The following PRKG1 variants were observed in gnomAD, a reference collection of about 807,000 sequenced individuals.
The protein encoded by PRKG1 is cGMP-dependent protein kinase 1.
PRKG1 carries 35 observed loss-of-function variants against 88.1 expected under a neutral mutation model. That is an observed-to-expected ratio of 0.40 (90% CI 0.30 to 0.53). PRKG1 has a LOEUF of 0.53. PRKG1 is among the 20% of genes least tolerant of loss of function. The pLI, the probability that PRKG1 is intolerant of heterozygous loss-of-function variation, is 0.59. For missense variants in PRKG1, 540 were observed against 839.8 expected, an observed-to-expected ratio of 0.64 and a Z score of 4.41; for synonymous variants, 303 against 292.5, an observed-to-expected ratio of 1.04 and a Z score of -0.37.
intron 3 of PRKG1, among the ~76,000 whole-genome samples, chr10:51,729,157 C>T (rs1842210280): frequency 6.6e-6 from 1 of 152,188 alleles, no homozygotes; most frequent in Non-Finnish European, 1.5e-5. Flanking sequence ...AGGATTCCAG[C>T]TAGGCAGTTG....
intron 5 of PRKG1, among the ~76,000 whole-genome samples, chr10:51,977,916 C>G (rs1422044736): frequency 6.6e-6 from 1 of 151,768 alleles, no homozygotes; most frequent in African/African-American, 2.4e-5. Context: ...CCCATTCTGT[C>G]GGTTGTCTGT....
At chr10:51,606,755 A>G (rs1286181997) in intron 3 of PRKG1, among the ~76,000 whole-genome samples, 2 of 152,140 alleles carry the variant, frequency 1.3e-5, no homozygotes, top group African/African-American at 4.8e-5. Context: ...TAAATGAGTG[A>G]ATCTAAGTAG....
At chr10:51,870,618 T>G (rs1205809463) in intron 4 of PRKG1, among the ~76,000 whole-genome samples, 2 of 152,110 alleles carry the variant, frequency 1.3e-5, no homozygotes, top group African/African-American at 2.4e-5. Context: ...TGATTTTCAT[T>G]CTGTCAGTTT....
At chr10:51,819,047 T>G (rs1248815624) in intron 4 of PRKG1, among the ~76,000 whole-genome samples, 1 of 72,970 alleles carries the variant, frequency 1.4e-5, no homozygotes, top group Non-Finnish European at 3.3e-5. Flanking sequence ...AAAAAAAGAA[T>G]ACCAGAGGCT....
chr10:51,529,071 T>C (rs1385513163), intron 3 of PRKG1, among the ~76,000 whole-genome samples: 1 of 152,172 alleles, frequency 6.6e-6, no homozygotes, highest in African/African-American at 2.4e-5. Flanking sequence ...AGAAGATTTT[T>C]AGTTTGTCCA....
chr10:51,230,398 A>C (rs1838812178), intron 2 of PRKG1, among the ~76,000 whole-genome samples: 1 of 152,210 alleles, frequency 6.6e-6, no homozygotes, highest in South Asian at 2.1e-4. Context: ...TACTTTTCAC[A>C]TTATACTTTT....
At chr10:51,527,576 C>G (rs1016731064) in intron 3 of PRKG1, among the ~76,000 whole-genome samples, 4 of 151,958 alleles carry the variant, frequency 2.6e-5, no homozygotes, top group Admixed American at 2.0e-4. Context: ...TGTTAAAATG[C>G]GTAGAGTAAA....
chr10:52,036,073 G>T (rs1845601842), intron 5 of PRKG1, among the ~76,000 whole-genome samples: 1 of 152,160 alleles, frequency 6.6e-6, no homozygotes, highest in African/African-American at 2.4e-5. Context: ...TGCTGAGATA[G>T]GTAACAGATG....
At chr10:51,524,858 G>C (rs1170992779) in intron 3 of PRKG1, among the ~76,000 whole-genome samples, 1 of 152,166 alleles carries the variant, frequency 6.6e-6, no homozygotes, top group East Asian at 1.9e-4. Flanking sequence ...TCACACAAAA[G>C]CTGCTCGTTA....
At chr10:51,444,104 GA>G (rs958702031) in intron 2 of PRKG1, among the ~76,000 whole-genome samples, 2 of 149,422 alleles carry the variant, frequency 1.3e-5, no homozygotes, top group African/African-American at 2.5e-5. Context: ...GAGAGTACAG[GA>G]AAAAAAATAT....
chr10:51,032,636 C>T (rs1843298483), intron 1 of PRKG1, among the ~76,000 whole-genome samples: 2 of 151,978 alleles, frequency 1.3e-5, no homozygotes, highest in Non-Finnish European at 2.9e-5. Flanking sequence ...GCTCATGCTT[C>T]TAATCCCAAC....
At chr10:52,124,261 C>T (rs1847882953) in intron 7 of PRKG1, among the ~76,000 whole-genome samples, 1 of 152,156 alleles carries the variant, frequency 6.6e-6, no homozygotes, top group Admixed American at 6.6e-5. Flanking sequence ...AGAGTCTACT[C>T]ACACAAACCT....
At chr10:51,914,212 G>A (rs79457735) in intron 5 of PRKG1, among the ~76,000 whole-genome samples, 2,451 of 144,996 alleles carry the variant, frequency 0.017, 72 homozygotes, top group African/African-American at 0.06. Flanking sequence ...AGAAATGTCA[G>A]TGAGAAAATA....
chr10:51,714,863 G>A (rs892049719), intron 3 of PRKG1, among the ~76,000 whole-genome samples: 1 of 152,200 alleles, frequency 6.6e-6, no homozygotes, highest in African/African-American at 2.4e-5. Flanking sequence ...TCATAAAAAT[G>A]TATCCTTTAT....
At chr10:51,837,615 A>G (rs1353292011) in intron 4 of PRKG1, among the ~76,000 whole-genome samples, 3 of 152,066 alleles carry the variant, frequency 2.0e-5, no homozygotes, top group African/African-American at 4.8e-5. Context: ...TACTCTGGAA[A>G]TCCTTCGTGG....
chr10:51,570,067 A>ATATATATATATGTG (rs1491310201), intron 3 of PRKG1, among the ~76,000 whole-genome samples: 2 of 113,076 alleles, frequency 1.8e-5, no homozygotes, highest in African/African-American at 3.6e-5. Flanking sequence ...ATATATATAT[A>ATATATATATATGTG]TGTGTGTGTG....
rs1275826688 is a variant in PRKG1, at chr10:52,204,095, T to TTAC, written c.1076+42134_1076+42135insCTA. On this transcript the variant is annotated intron_variant, in intron 9 of 17. Transcript: ENST00000373980. ...CTGGTTATTATTATTATTATTATTA[T>TTAC]TATTATTATTATTTTTTGTTTTTGA... Among the ~76,000 whole-genome samples, 21 of 71,126 alleles carry TTAC rather than the reference T, an allele frequency of 3.0e-4. 1 individual carries two copies. The East Asian group carries it at 3.0e-3, about 10-fold the overall frequency. The allele number at this position is 71,126 out of a possible 152,430, so 46.7% of individuals were successfully genotyped here. A position where few individuals can be genotyped will look rare whatever the true frequency, so the allele number is the denominator to read the frequency against.
chr10:51,635,339 G>A (rs1194342577), intron 3 of PRKG1, among the ~76,000 whole-genome samples: 1 of 148,930 alleles, frequency 6.7e-6, no homozygotes, highest in Non-Finnish European at 1.5e-5. Context: ...GTATGAAAGT[G>A]GAATGAAAAT....
intron 2 of PRKG1, among the ~76,000 whole-genome samples, chr10:51,250,349 C>T (rs1839396764): frequency 6.6e-6 from 1 of 151,800 alleles, no homozygotes; most frequent in Non-Finnish European, 1.5e-5. Flanking sequence ...TGAATGATTG[C>T]TTGAAACCTG....
Sources: gnomAD v4.1 joint callset for allele counts (sites outside exome capture counted in the v4.1 genomes callset) on GRCh38, gnomAD v4.1.1 for gene constraint, MANE v1.5 for transcripts, NCBI Gene and HGNC (gene_info 2026-07-23, HGNC 2026-07-21) for gene names.